PRELID2: variants seen among roughly 807,000 people sequenced by gnomAD.
PRELID2 encodes PRELI domain containing 2, also known as PRELI domain-containing protein 2.
In PRELID2, 25 loss-of-function variants were observed where a neutral mutation model predicts 28.4. The observed-to-expected ratio is 0.88, with a 90% CI of 0.64 to 1.23. The LOEUF (loss-of-function observed/expected upper bound fraction) is 1.23, where lower values mean the gene tolerates loss of function less well. Among genes scored for constraint, PRELID2 ranks in the 50% most tolerant of loss-of-function variants. The pLI is 0.00. For synonymous variants in PRELID2, 76 were observed against 71.6 expected, an observed-to-expected ratio of 1.06 and a Z score of -0.31; for missense variants, 201 against 214.4, an observed-to-expected ratio of 0.94 and a Z score of 0.39.
At chr5:145,538,276 G>A (rs369318703) in intron 1 of PRELID2, among the ~76,000 whole-genome samples, 2 of 151,698 alleles carry the variant, frequency 1.3e-5, no homozygotes, top group East Asian at 3.9e-4. Flanking sequence ...AAGTCAATTC[G>A]TGTAATGCCT....
At chr5:145,413,567 G>A in the PRELID2 span, among the ~76,000 whole-genome samples, 1 of 150,200 alleles carries the variant, frequency 6.7e-6, no homozygotes, top group South Asian at 2.1e-4. Flanking sequence ...GAAAAATATG[G>A]AACCAGCCTA....
the PRELID2 span, among the ~76,000 whole-genome samples, chr5:145,278,953 T>C: frequency 6.6e-6 from 1 of 152,128 alleles, no homozygotes; most frequent in African/African-American, 2.4e-5. Flanking sequence ...GTGGCCCTGT[T>C]CTCTCTGACC....
intron 1 of PRELID2, among the ~76,000 whole-genome samples, chr5:145,686,735 T>C (rs2149692706): frequency 6.6e-6 from 1 of 152,226 alleles, no homozygotes; most frequent in South Asian, 2.1e-4. Context: ...TTGGAGAAAA[T>C]TTAGTGAGCT....
intron 1 of PRELID2, among the ~76,000 whole-genome samples, chr5:145,670,598 C>T (rs752510791): frequency 9.2e-5 from 14 of 152,148 alleles, no homozygotes; most frequent in Non-Finnish European, 1.3e-4. Context: ...GAGAACCTAA[C>T]AGTCCCACTC....
At chr5:145,485,400 C>T (rs1159438483) in intron 1 of PRELID2, among the ~76,000 whole-genome samples, 1 of 152,220 alleles carries the variant, frequency 6.6e-6, no homozygotes. Flanking sequence ...TATTGGCATA[C>T]TACTAGTCAG....
chr5:145,273,142 T>C, the PRELID2 span, among the ~76,000 whole-genome samples: 1 of 152,124 alleles, frequency 6.6e-6, no homozygotes, highest in Admixed American at 6.6e-5. Flanking sequence ...GGGCACATAA[T>C]TATATTTTAG....
At chr5:145,691,011 A>C (rs1429073272) in intron 1 of PRELID2, among the ~76,000 whole-genome samples, 1 of 152,114 alleles carries the variant, frequency 6.6e-6, no homozygotes, top group Non-Finnish European at 1.5e-5. Flanking sequence ...CAACAAAGTT[A>C]TGATGAAATA....
At chr5:145,551,526 G>T (rs1206055822) in intron 1 of PRELID2, among the ~76,000 whole-genome samples, 3 of 152,162 alleles carry the variant, frequency 2.0e-5, no homozygotes, top group Non-Finnish European at 4.4e-5. Context: ...CCAATCACAA[G>T]TGATGACCAA....
At chr5:145,707,568 G>A (rs1755581570) in intron 1 of PRELID2, among the ~76,000 whole-genome samples, 1 of 152,060 alleles carries the variant, frequency 6.6e-6, no homozygotes, top group African/African-American at 2.4e-5. Flanking sequence ...CTGAAATGGT[G>A]GCCTTTAGAA....
intron 1 of PRELID2, among the ~76,000 whole-genome samples, chr5:145,613,158 T>C (rs1418530926): frequency 6.6e-6 from 1 of 152,202 alleles, no homozygotes; most frequent in African/African-American, 2.4e-5. Flanking sequence ...TTTTGATTTT[T>C]TATTATAGTC....
At chr5:145,546,168 G>GA (rs1380068100) in intron 1 of PRELID2, among the ~76,000 whole-genome samples, 1 of 152,086 alleles carries the variant, frequency 6.6e-6, no homozygotes, top group African/African-American at 2.4e-5. Context: ...TATCATTTTT[G>GA]AAGGCACTCT....
At chr5:145,404,732 C>T in the PRELID2 span, among the ~76,000 whole-genome samples, 2 of 152,238 alleles carry the variant, frequency 1.3e-5, no homozygotes, top group South Asian at 2.1e-4. Flanking sequence ...TATAATCTGG[C>T]AAGAGTCACA....
the PRELID2 span, among the ~76,000 whole-genome samples, chr5:145,346,567 A>G: frequency 6.6e-6 from 1 of 152,166 alleles, no homozygotes; most frequent in Non-Finnish European, 1.5e-5. Context: ...TTTAAAACTA[A>G]TAGCAGCTAA....
chr5:145,296,287 C>T, the PRELID2 span, among the ~76,000 whole-genome samples: 1 of 151,470 alleles, frequency 6.6e-6, no homozygotes, highest in South Asian at 2.1e-4. Context: ...GTGTGCTGCA[C>T]CCATTAACTC....
At chr5:145,381,778 A>G in the PRELID2 span, 2 of 152,238 alleles carry the variant, frequency 1.3e-5, no homozygotes, top group Non-Finnish European at 2.9e-5. Flanking sequence ...AGTTCAAGAT[A>G]ATCAACCTTC....
intron 1 of PRELID2, among the ~76,000 whole-genome samples, chr5:145,715,883 A>C (rs912032621): frequency 1.3e-5 from 2 of 152,202 alleles, no homozygotes; most frequent in Admixed American, 6.5e-5. Context: ...ATTGTATTTT[A>C]ATTATCTCCA....
chr5:145,549,143 C>G (rs188087079), intron 1 of PRELID2, among the ~76,000 whole-genome samples: 1 of 152,292 alleles, frequency 6.6e-6, no homozygotes, highest in East Asian at 1.9e-4. Flanking sequence ...TCTCAGAGCT[C>G]TCTCTAGAGC....
chr5:145,482,800 G>A (rs1280262723), intron 1 of PRELID2, among the ~76,000 whole-genome samples: 1 of 151,670 alleles, frequency 6.6e-6, no homozygotes, highest in Non-Finnish European at 1.5e-5. Context: ...GGGAGACAGT[G>A]ACAGATCATC....
chr5:145,778,800 G>A (rs539960374), intron 5 of PRELID2, among the ~76,000 whole-genome samples: 49 of 152,298 alleles, frequency 3.2e-4, no homozygotes, highest in African/African-American at 1.2e-3. Flanking sequence ...AGCCTGCCAG[G>A]CCGACTGGGT....
Sources: gnomAD v4.1 joint callset for allele counts (sites outside exome capture counted in the v4.1 genomes callset) on GRCh38, gnomAD v4.1.1 for gene constraint, MANE v1.5 for transcripts, NCBI Gene and HGNC (gene_info 2026-07-23, HGNC 2026-07-21) for gene names.